The following NEU2 variants were observed in gnomAD, a reference collection of about 807,000 sequenced individuals.
The protein encoded by NEU2 is sialidase-2.
Under a neutral mutation model 6.3 loss-of-function variants are expected in NEU2, and 7 were observed. The observed-to-expected ratio is 1.12, with a 90% CI of 0.63 to 2.10. The LOEUF is 2.10. Ranked by LOEUF, NEU2 falls within the 30% of genes most tolerant of loss-of-function variation. The pLI, the probability that NEU2 is intolerant of heterozygous loss-of-function variation, is 0.00. For missense variants in NEU2, 509 were observed against 504.0 expected (o/e 1.01, Z -0.09); for synonymous variants, 208 against 223.3 (o/e 0.93, Z 0.61).
Position 233,032,683 on chromosome 2 carries a change from TC to T in NEU2, c.14del (p.Pro5LeufsTer47), listed in dbSNP as rs1690531029. 2 of 1,614,038 alleles carry T rather than the reference TC, an allele frequency of 1.2e-6. No homozygotes were observed. The highest frequency in any genetic ancestry group is 1.7e-6 in the Non-Finnish European group (2 of 1,180,030). MASLPVLQKESVFQS... is the reference protein window; with the variant it reads MASLXVLQKESVFQS... ...CACCCCCCAGCCCCATGGCGTCCCT[TC>T]CTGTCCTGCAGAAGGAGAGCGTGTT... On this transcript the variant is annotated frameshift_variant, in exon 1 of 2. Coordinates refer to ENST00000233840, the MANE Select transcript of NEU2 (RefSeq NM_005383.2). LOFTEE classifies it high-confidence loss of function.
intron 1 of NEU2, 112 bp downstream of exon 1, chr2:233,032,984 A>C: frequency 1.8e-6 from 2 of 1,141,788 alleles, no homozygotes; most frequent in Non-Finnish European, 2.5e-6. Flanking sequence ...TTTATCCCTC[A>C]ATGGCTGTAC....
chr2:233,033,042 A>G (rs1368126873), intron 1 of NEU2, among the ~76,000 whole-genome samples, 170 bp downstream of exon 1: 1 of 152,084 alleles, frequency 6.6e-6, no homozygotes, highest in Non-Finnish European at 1.5e-5. Flanking sequence ...GGTTCCCTGG[A>G]CCTCTGGGTT....
rs1458910860 is a variant in NEU2 at position 233,034,446 on chromosome 2, G to T, written c.532G>T (p.Ala178Ser). ...HDRARSLVVPAYAYRKLHPIQ... is the reference protein window; with the variant it reads ...HDRARSLVVPSYAYRKLHPIQ... ...CAGGGCCCGGAGCCTGGTGGTGCCC[G>T]CCTACGCCTACCGGAAACTTCACCC... Residue 178 changes from alanine to serine, a missense_variant, in exon 2 of 2, where the codon GCC becomes TCC. Transcript: ENST00000233840. The surrounding 1 kb of genome is among the most constrained non-coding windows in gnomAD (Gnocchi z 4.8). 5.6e-6 allele frequency: 9 copies of T among 1,613,814 alleles called. No individual in the cohort carries two copies. The highest frequency in any genetic ancestry group is 3.3e-5 in the South Asian group (3 of 91,086).
chr2:233,032,876 A>G lies in NEU2; in HGVS notation c.201+4A>G, dbSNP rs1472833146. 38 of 1,586,326 alleles carry G rather than the reference A, an allele frequency of 2.4e-5. No individual in the cohort carries two copies. The highest frequency in any genetic ancestry group is 3.2e-5 in the Non-Finnish European group (37 of 1,166,406). ...CGCACCCACCCACCAGGTTCAGGTG[A>G]GGCAGGAGGTGTCTGCACTGGCTCC... On this transcript the variant is annotated splice_donor_region_variant and intron_variant, in intron 1 of 1. Transcript: ENST00000233840.
At position 233,034,104 on chromosome 2, in the gene NEU2, C is replaced by A; in HGVS notation, c.202-12C>A. 6.3e-7 allele frequency: 1 copy of A among 1,596,756 alleles called. No individual in the cohort carries two copies. Among genetic ancestry groups the A allele is most frequent in the South Asian group, 1.1e-5 (1 of 88,718 alleles). ...TTCAAGGCTGCCTTCTTCTTTCTCT[C>A]TCCCTACTCAGTGGCAAGCTCAGGA... On this transcript the variant is annotated splice_polypyrimidine_tract_variant and intron_variant, in intron 1 of 1. Coordinates refer to ENST00000233840, the MANE Select transcript of NEU2 (RefSeq NM_005383.2). The surrounding 1 kb of genome is among the most constrained non-coding windows in gnomAD (Gnocchi z 4.8).
At position 233,034,809 on chromosome 2, in the gene NEU2, A is replaced by G. The variant is rs568801613; in HGVS notation, c.895A>G (p.Thr299Ala). 1.5e-5 allele frequency: 23 copies of G among 1,582,694 alleles called. No homozygotes were observed. The East Asian group carries it at 4.9e-4, about 34-fold the overall frequency. Reference sequence around the variant, plus strand: ...CCAGTGGCTGCTCTACACTCACCCCACACACTCCTGGCAGAGGGCCGACCT... The same window carrying G: ...CCAGTGGCTGCTCTACACTCACCCCGCACACTCCTGGCAGAGGGCCGACCT... The part of the protein sequence containing the change: ...PAQWLLYTHP[T>A]HSWQRADLGA... Residue 299 changes from threonine to alanine, a missense_variant, in exon 2 of 2, where the codon ACA (threonine) becomes GCA (alanine). Thr to Ala is a moderately conservative substitution (Grantham distance 58, BLOSUM62 0). Coordinates refer to ENST00000233840, the MANE Select transcript of NEU2 (RefSeq NM_005383.2). The surrounding 1 kb of genome is among the most constrained non-coding windows in gnomAD (Gnocchi z 4.8).
intron 1 of NEU2, among the ~76,000 whole-genome samples, chr2:233,033,558 G>T (rs567754267): frequency 6.6e-6 from 1 of 152,194 alleles, no homozygotes. Context: ...TTGCCCAATG[G>T]GGGTAGCTGT....
rs765542545 is a variant in NEU2, at chr2:233,034,311, G to C, written c.397G>C (p.Gly133Arg). 6.2e-7 allele frequency: 1 copy of C among 1,614,122 alleles called. No homozygotes were observed. ...GTGCCAAGTCACCAGCACTGACCAC[G>C]GGAGGACCTGGAGCTCCCCCAGAGA... ...RLCQVTSTDH[G>R]RTWSSPRDLT... Residue 133 changes from glycine (G) to arginine (R), a missense_variant, in exon 2 of 2, where the codon GGG (glycine) becomes CGG (arginine). Transcript: ENST00000233840. The surrounding 1 kb of genome is among the most constrained non-coding windows in gnomAD (Gnocchi z 4.8).
Position 233,034,535 on chromosome 2 carries a change from G to A in NEU2, c.621G>A (p.Ala207=), listed in dbSNP as rs201195712. Residue 207 remains alanine (A), a synonymous_variant, in exon 2 of 2, where the codon GCG becomes GCA. Transcript: ENST00000233840. The surrounding 1 kb of genome is among the most constrained non-coding windows in gnomAD (Gnocchi z 4.8). The stretch of plus-strand genomic sequence containing the variant: ...GCCATGACCATGGGCGCACGTGGGC[G>A]CGAGGGCACTTTGTGGCCCAGGACA... The part of the protein sequence containing the change: ...FLSHDHGRTW[A]RGHFVAQDTL... 407 of 1,613,998 alleles carry A rather than the reference G, an allele frequency of 2.5e-4. No homozygotes were observed. The highest frequency in any genetic ancestry group is 3.1e-4 in the Non-Finnish European group (369 of 1,179,974).
At chr2:233,033,975 TG>T (rs2106359541) in intron 1 of NEU2, 140 bp from the exon 2 acceptor site, 1 of 759,968 alleles carries the variant, frequency 1.3e-6, no homozygotes, top group East Asian at 2.5e-5. Context: ...AGGATATGAG[TG>T]TTGGGTGAAG....
In NEU2 at chr2:233,033,400, C is replaced by T. The variant is rs116654187; in HGVS notation, c.201+528C>T. Among the ~76,000 whole-genome samples the T allele has an allele frequency of 8.9e-3, 1,355 of 152,336 alleles. 11 individuals are homozygous for T. Among genetic ancestry groups the T allele is most frequent in the Non-Finnish European group, 0.015 (1,015 of 68,034 alleles). On this transcript the variant is annotated intron_variant, in intron 1 of 1. Transcript: ENST00000233840. ...GTTCAAGTCCTGGTTCCGCCACTGA[C>T]CACAGATGTGGCCTAGGCAACTCCT...
rs751936961 is a variant in NEU2 at position 233,032,762 on chromosome 2, C to G, written c.91C>G (p.Gln31Glu). 10 of 1,614,258 alleles carry G rather than the reference C, an allele frequency of 6.2e-6. No homozygotes were observed. In the Admixed American group the frequency reaches 1.7e-4, roughly 27 times the overall value. Residue 31 changes from glutamine (Q) to glutamate (E), a missense_variant, in exon 1 of 2, where the codon CAG becomes GAG. Coordinates refer to ENST00000233840, the MANE Select transcript of NEU2 (RefSeq NM_005383.2). ...RIPALLYLPG[Q>E]QSLLAFAEQR... ...CCCTGCCCTGCTCTACCTGCCTGGG[C>G]AGCAGTCCCTGCTGGCCTTCGCGGA...
rs1307046696 is a variant in NEU2 at position 233,034,075 on chromosome 2, C to G, written c.202-41C>G. ...ATGCAGCTCCTGGCACCATCCCCAGCTGTTTCAAGGCTGCCTTCTTCTTTC... is the reference window on the plus strand; with the variant it reads ...ATGCAGCTCCTGGCACCATCCCCAGGTGTTTCAAGGCTGCCTTCTTCTTTC... On this transcript the variant is annotated intron_variant, in intron 1 of 1. Transcript: ENST00000233840. This position sits in a 1 kb window ranked among gnomAD's most constrained non-coding sequence, Gnocchi z 4.8. 2.6e-6 allele frequency: 4 copies of G among 1,541,104 alleles called. No homozygotes were observed. The highest frequency in any genetic ancestry group is 3.5e-6 in the Non-Finnish European group (4 of 1,140,054).
chr2:233,034,455 T>C lies in NEU2; in HGVS notation c.541T>C (p.Tyr181His), dbSNP rs750911009. 6 of 1,614,068 alleles carry C rather than the reference T, an allele frequency of 3.7e-6. No individual in the cohort carries two copies. In the East Asian group the frequency reaches 6.7e-5, roughly 18 times the overall value. The part of the protein sequence containing the change: ...ARSLVVPAYA[Y>H]RKLHPIQRPI... ...GAGCCTGGTGGTGCCCGCCTACGCC[T>C]ACCGGAAACTTCACCCCATCCAAAG... Residue 181 changes from tyrosine to histidine, a missense_variant, in exon 2 of 2, where the codon TAC (tyrosine) becomes CAC (histidine). By Grantham distance (83) the Tyr-to-His change is moderately conservative. Coordinates refer to ENST00000233840, the MANE Select transcript of NEU2 (RefSeq NM_005383.2). The surrounding 1 kb of genome is among the most constrained non-coding windows in gnomAD (Gnocchi z 4.8).
At chr2:233,033,747 A>T (rs1690545871) in intron 1 of NEU2, among the ~76,000 whole-genome samples, 1 of 152,134 alleles carries the variant, frequency 6.6e-6, no homozygotes, top group African/African-American at 2.4e-5. Context: ...CTATTCAAGG[A>T]TGGTGAGCTG....
In NEU2 at chr2:233,034,916, C is replaced by T. The variant is rs1349363790; in HGVS notation, c.1002C>T (p.Tyr334=). The part of the protein sequence containing the change: ...PVLLAKGSCA[Y]SDLQSMGTGP... ...TGCTGGCCAAGGGCAGCTGTGCCTA[C>T]TCAGACCTCCAGAGCATGGGCACCG... Residue 334 remains tyrosine (Y), a synonymous_variant, in exon 2 of 2, where the codon TAC becomes TAT. Transcript: ENST00000233840. The surrounding 1 kb of genome is among the most constrained non-coding windows in gnomAD (Gnocchi z 4.8). The T allele has an allele frequency of 6.2e-7, 1 of 1,614,186 alleles. No homozygotes were observed. The highest frequency in any genetic ancestry group is 8.5e-7 in the Non-Finnish European group (1 of 1,180,046).
rs1191462060 is a variant in NEU2 at position 233,034,102 on chromosome 2, C to A, written c.202-14C>A. ...GTTTCAAGGCTGCCTTCTTCTTTCT[C>A]TCTCCCTACTCAGTGGCAAGCTCAG... On this transcript the variant is annotated splice_polypyrimidine_tract_variant and intron_variant, in intron 1 of 1. Coordinates refer to ENST00000233840, the MANE Select transcript of NEU2 (RefSeq NM_005383.2). The surrounding 1 kb of genome is among the most constrained non-coding windows in gnomAD (Gnocchi z 4.8). The A allele has an allele frequency of 6.3e-7, 1 of 1,587,598 alleles. No homozygotes were observed. The highest frequency in any genetic ancestry group is 1.7e-5 in the Admixed American group (1 of 57,422).
chr2:233,034,790 G>T lies in NEU2; in HGVS notation c.876G>T (p.Trp292Cys). Residue 292 changes from tryptophan to cysteine, a missense_variant, in exon 2 of 2, where the codon TGG (tryptophan) becomes TGT (cysteine). Physicochemically the swap from Trp to Cys is radical, Grantham distance 215 (BLOSUM62 -2). Transcript: ENST00000233840. The surrounding 1 kb of genome is among the most constrained non-coding windows in gnomAD (Gnocchi z 4.8). ...PRSGPGSPAQ[W>C]LLYTHPTHSW... ...CGGGGCCTGGCTCCCCAGCCCAGTG[G>T]CTGCTCTACACTCACCCCACACACT... The T allele has an allele frequency of 6.5e-7, 1 of 1,547,052 alleles. No individual in the cohort carries two copies. Among genetic ancestry groups the T allele is most frequent in the Non-Finnish European group, 8.7e-7 (1 of 1,146,066 alleles).
At position 233,034,667 on chromosome 2, in the gene NEU2, C is replaced by T. The variant is rs2233394; in HGVS notation, c.753C>T (p.Asp251=). 195,600 of 1,570,726 alleles carry T rather than the reference C, an allele frequency of 0.12. 14,066 individuals carry two copies. The highest frequency in any genetic ancestry group is 0.27 in the African/African-American group (19,557 of 73,794). Reference sequence around the variant, plus strand: ...GGGTCCAGGCCCAGAGCACCAATGACGGGCTTGATTTCCAGGAGTCTCAGC... The same window carrying T: ...GGGTCCAGGCCCAGAGCACCAATGATGGGCTTGATTTCCAGGAGTCTCAGC... ...RARVQAQSTN[D]GLDFQESQLV... The change falls in exon 2 of 2, where the codon GAC becomes GAT. Residue 251 remains aspartate (D), a synonymous_variant. Transcript: ENST00000233840. The surrounding 1 kb of genome is among the most constrained non-coding windows in gnomAD (Gnocchi z 4.8).
Sources: gnomAD v4.1 joint callset for allele counts (sites outside exome capture counted in the v4.1 genomes callset) on GRCh38, gnomAD v4.1.1 for gene constraint, Gnocchi (gnomAD v3.1) non-coding constraint, MANE v1.5 for transcripts, NCBI Gene and HGNC (gene_info 2026-07-23, HGNC 2026-07-21) for gene names.